The following NKAIN2 variants were observed in gnomAD, a reference collection of about 807,000 sequenced individuals.
The protein encoded by NKAIN2 is sodium/potassium-transporting ATPase subunit beta-1-interacting protein 2.
Under a neutral mutation model 32.6 loss-of-function variants are expected in NKAIN2, and 14 were observed. The observed-to-expected ratio is 0.43, with a 90% CI of 0.28 to 0.67. The LOEUF (loss-of-function observed/expected upper bound fraction) is 0.67, where lower values mean the gene tolerates loss of function less well. NKAIN2 is among the 30% of genes least tolerant of loss of function. The probability of loss-of-function intolerance (pLI) is 0.17; values close to 1 mark genes in which losing one functional copy is unlikely to be tolerated. For missense variants in NKAIN2, 198 were observed against 258.3 expected, an observed-to-expected ratio of 0.77 and a Z score of 1.60; for synonymous variants, 80 against 87.2, an observed-to-expected ratio of 0.92 and a Z score of 0.46.
intron 4 of NKAIN2, among the ~76,000 whole-genome samples, chr6:124,666,439 T>C (rs1772798285): frequency 6.6e-6 from 1 of 152,106 alleles, no homozygotes; most frequent in African/African-American, 2.4e-5. Flanking sequence ...TAGTAAAAAA[T>C]ATTATTATTA....
At chr6:124,359,250 A>T (rs1016103372) in intron 3 of NKAIN2, among the ~76,000 whole-genome samples, 40 of 147,930 alleles carry the variant, frequency 2.7e-4, no homozygotes, top group African/African-American at 8.2e-4. Flanking sequence ...TGACTTGGCA[A>T]TGTGGGCTCT....
rs533632540 is a variant in NKAIN2 at position 124,709,916 on chromosome 6, T to A, written c.474+51530T>A. Among the ~76,000 whole-genome samples the A allele has an allele frequency of 2.6e-5, 4 of 152,300 alleles. No homozygotes were observed. The East Asian group carries it at 7.7e-4, about 29-fold the overall frequency. On this transcript the variant is annotated intron_variant, in intron 4 of 6. Coordinates refer to ENST00000368417, the MANE Select transcript of NKAIN2 (RefSeq NM_001040214.3). ...CTTGCTTTTCTAATTCTTTTAATTG[T>A]AATGTTAGGGTGTCAATTTTGGATC...
chr6:124,227,866 G>T (rs1792205896), intron 1 of NKAIN2, among the ~76,000 whole-genome samples: 1 of 152,120 alleles, frequency 6.6e-6, no homozygotes, highest in African/African-American at 2.4e-5. Context: ...CTTAGTTTGG[G>T]ATGCTATAAC....
At chr6:124,725,767 G>A (rs543214690) in intron 4 of NKAIN2, among the ~76,000 whole-genome samples, 8 of 152,152 alleles carry the variant, frequency 5.3e-5, no homozygotes, top group Admixed American at 2.6e-4. Context: ...CGCAGAAGAC[G>A]GTGATTTCTG....
chr6:124,226,255 T>G (rs1333852004), intron 1 of NKAIN2, among the ~76,000 whole-genome samples: 2 of 152,102 alleles, frequency 1.3e-5, no homozygotes, highest in Non-Finnish European at 2.9e-5. Context: ...ATAGACTTCT[T>G]ATGCTTGGAT....
At chr6:124,676,693 G>A (rs1174953427) in intron 4 of NKAIN2, among the ~76,000 whole-genome samples, 4 of 152,074 alleles carry the variant, frequency 2.6e-5, no homozygotes, top group Non-Finnish European at 5.9e-5. Context: ...TCAAAATCGT[G>A]AGCTGAAATG....
chr6:124,257,878 A>G (rs1217191980), intron 1 of NKAIN2, among the ~76,000 whole-genome samples: 1 of 149,840 alleles, frequency 6.7e-6, no homozygotes, highest in African/African-American at 2.5e-5. Context: ...TCCAGGGTTC[A>G]AGTGATTCTC....
At chr6:124,450,084 A>G (rs1254687076) in intron 3 of NKAIN2, among the ~76,000 whole-genome samples, 1 of 152,116 alleles carries the variant, frequency 6.6e-6, no homozygotes, top group Non-Finnish European at 1.5e-5. Context: ...TGAAGAGAAA[A>G]TACGCATCTT....
rs534053276 is a variant in NKAIN2 at position 123,988,894 on chromosome 6, T to C, written c.54+184640T>C. ...TTAAGAGTGTGTGTGTGTGTGTGTG[T>C]GTGTGTGTGTGTATGTGAGTGTGTA... On this transcript the variant is annotated intron_variant, in intron 1 of 6. Transcript: ENST00000368417. 3.9e-4 allele frequency among the ~76,000 whole-genome samples: 56 copies of C among 143,108 alleles called. No individual in the cohort carries two copies. The South Asian group carries it at 7.5e-3, about 19-fold the overall frequency. The allele number at this position is 143,108 out of a possible 152,430, so 93.9% of individuals were successfully genotyped here.
At chr6:124,565,317 C>A (rs1253121694) in intron 3 of NKAIN2, among the ~76,000 whole-genome samples, 3 of 152,156 alleles carry the variant, frequency 2.0e-5, no homozygotes, top group Non-Finnish European at 4.4e-5. Flanking sequence ...GGTAATATGA[C>A]TTCCAAAGAG....
chr6:124,448,181 C>G (rs1218483385), intron 3 of NKAIN2, among the ~76,000 whole-genome samples: 1 of 152,048 alleles, frequency 6.6e-6, no homozygotes, highest in Non-Finnish European at 1.5e-5. Context: ...TAAATTATCT[C>G]TAAGGACACT....
At chr6:124,499,206 A>G (rs745321230) in intron 3 of NKAIN2, among the ~76,000 whole-genome samples, 12 of 152,222 alleles carry the variant, frequency 7.9e-5, no homozygotes, top group Admixed American at 5.2e-4. Context: ...TAAATTCACT[A>G]TATTTCCAAA....
At chr6:124,494,455 T>C (rs1204252093) in intron 3 of NKAIN2, among the ~76,000 whole-genome samples, 1 of 152,096 alleles carries the variant, frequency 6.6e-6, no homozygotes, top group East Asian at 1.9e-4. Context: ...CATCTTAAAA[T>C]CAGAATAATT....
intron 1 of NKAIN2, among the ~76,000 whole-genome samples, chr6:123,983,434 A>G (rs1778989937): frequency 6.6e-6 from 1 of 152,200 alleles, no homozygotes; most frequent in African/African-American, 2.4e-5. Context: ...CAGCCATACA[A>G]TTCTATGTCT....
intron 3 of NKAIN2, among the ~76,000 whole-genome samples, chr6:124,439,357 T>A (rs1775592998): frequency 7.5e-6 from 1 of 133,302 alleles, no homozygotes; most frequent in South Asian, 2.3e-4. Flanking sequence ...ATCCACTTGT[T>A]GTTTTTTTTT....
At chr6:124,067,285 A>C (rs1011797343) in intron 1 of NKAIN2, among the ~76,000 whole-genome samples, 2 of 152,146 alleles carry the variant, frequency 1.3e-5, no homozygotes, top group Non-Finnish European at 2.9e-5. Context: ...TCTCTAAGAA[A>C]AACACTGGTG....
intron 4 of NKAIN2, among the ~76,000 whole-genome samples, chr6:124,754,658 A>G (rs566414773): frequency 6.6e-6 from 1 of 152,246 alleles, no homozygotes; most frequent in African/African-American, 2.4e-5. Flanking sequence ...GCGGCTGTGG[A>G]GAAAAAAGAA....
intron 1 of NKAIN2, among the ~76,000 whole-genome samples, chr6:124,214,912 A>G (rs1791388573): frequency 1.3e-5 from 2 of 152,176 alleles, no homozygotes; most frequent in African/African-American, 4.8e-5. Context: ...AGCTTTCTGG[A>G]GCTTCTCTCA....
rs150869041 is a variant in NKAIN2 at position 124,656,474 on chromosome 6, T to C, written c.274-1712T>C. 2.0e-3 allele frequency among the ~76,000 whole-genome samples: 299 copies of C among 152,104 alleles called. 2 individuals carry two copies. In the East Asian group the frequency reaches 0.022, roughly 11 times the overall value. ...CCCCACCATGCTTGGAGTATAGCAA[T>C]GGAGAGGAGATAAGGGAGCAGGAGA... On this transcript the variant is annotated intron_variant, in intron 3 of 6. Coordinates refer to ENST00000368417, the MANE Select transcript of NKAIN2 (RefSeq NM_001040214.3).
Sources: allele counts gnomAD v4.1 joint callset (sites outside exome capture counted in the v4.1 genomes callset), GRCh38; gene constraint gnomAD v4.1.1; transcripts MANE v1.5; gene names NCBI Gene and HGNC (gene_info 2026-07-23, HGNC 2026-07-21).